ECT2L: variants seen among roughly 807,000 people sequenced by gnomAD.
ECT2L encodes the protein epithelial cell-transforming sequence 2 oncogene-like.
A neutral mutation model predicts 122.8 loss-of-function variants in ECT2L; 126 were observed. That is an observed-to-expected ratio of 1.03 (90% CI 0.89 to 1.19). The LOEUF is 1.19. Ranked by LOEUF, ECT2L falls within the 50% of genes most tolerant of loss-of-function variation. The probability of loss-of-function intolerance (pLI) is 0.00; values close to 1 mark genes in which losing one functional copy is unlikely to be tolerated. For missense variants in ECT2L, 1,012 were observed against 1,064.1 expected, an observed-to-expected ratio of 0.95 and a Z score of 0.68; for synonymous variants, 385 against 381.8, an observed-to-expected ratio of 1.01 and a Z score of -0.10.
rs79069095 is a variant in ECT2L at position 138,876,471 on chromosome 6, G to C, written c.1579-1G>C. ...TAACCAAGTTTCCATTCAATCTTCA[G>C]GAAAGAAATGTTGTAGAAGACAATT... On this transcript the variant is annotated splice_acceptor_variant, in intron 13 of 21. Coordinates refer to ENST00000541398, the MANE Select transcript of ECT2L (RefSeq NM_001077706.3). LOFTEE classifies it high-confidence loss of function. 1,874 of 1,608,184 alleles carry C rather than the reference G, an allele frequency of 1.2e-3. 20 individuals carry two copies. The African/African-American group carries it at 0.021, about 18-fold the overall frequency.
Position 138,838,405 on chromosome 6 carries a change from C to G in ECT2L, c.233C>G (p.Ser78Cys). ...ERMQVAKVDF[S>C]TVLPRFISLY... ...ATGCAAGTGGCCAAAGTGGACTTCTCTACAGTGTTACCACGCTTCATTTCT... is the reference window on the plus strand; with the variant it reads ...ATGCAAGTGGCCAAAGTGGACTTCTGTACAGTGTTACCACGCTTCATTTCT... The change falls in exon 5 of 22, where the codon TCT becomes TGT. Residue 78 changes from serine (S) to cysteine (C), a missense_variant. Transcript: ENST00000541398. 1 of 1,613,612 alleles carries G rather than the reference C, an allele frequency of 6.2e-7. No individual in the cohort carries two copies. The highest frequency in any genetic ancestry group is 1.7e-5 in the Admixed American group (1 of 59,940).
chr6:138,816,928 C>T (rs78488505), intron 4 of ECT2L, among the ~76,000 whole-genome samples: 2,884 of 152,230 alleles, frequency 0.019, 38 homozygotes, highest in Non-Finnish European at 0.028. Flanking sequence ...CACAAAGAAC[C>T]CCCCTACCCA....
chr6:138,851,013 A>AAAAAAAAAAG (rs1777427811), intron 9 of ECT2L, among the ~76,000 whole-genome samples: 1 of 148,228 alleles, frequency 6.7e-6, no homozygotes, highest in African/African-American at 2.6e-5. Context: ...AAAAAAAAAA[A>AAAAAAAAAAG]AAAAAAAAAA....
At chr6:138,811,448 T>C (rs1421418845) in intron 1 of ECT2L, among the ~76,000 whole-genome samples, 2 of 152,096 alleles carry the variant, frequency 1.3e-5, no homozygotes, top group Admixed American at 1.3e-4. Flanking sequence ...CCCCACAAAT[T>C]ATATGTTGAA....
chr6:138,834,839 T>C (rs1393432777), intron 4 of ECT2L, among the ~76,000 whole-genome samples: 2 of 151,972 alleles, frequency 1.3e-5, no homozygotes, highest in African/African-American at 4.8e-5. Flanking sequence ...GACACTTCTG[T>C]CTGTGGATAC....
At chr6:138,857,369 A>G (rs1265489186) in intron 10 of ECT2L, among the ~76,000 whole-genome samples, 2 of 152,094 alleles carry the variant, frequency 1.3e-5, no homozygotes, top group Admixed American at 1.3e-4. Flanking sequence ...GACTCAGTTA[A>G]GTCTGGGGTG....
At chr6:138,882,185 C>T (rs1275082641) in intron 15 of ECT2L, among the ~76,000 whole-genome samples, 1 of 152,160 alleles carries the variant, frequency 6.6e-6, no homozygotes, top group African/African-American at 2.4e-5. Flanking sequence ...CTGAGTATGT[C>T]CTTCCCTGAA....
At chr6:138,799,711 C>T (rs1012127888) in intron 1 of ECT2L, among the ~76,000 whole-genome samples, 7 of 152,258 alleles carry the variant, frequency 4.6e-5, no homozygotes, top group Non-Finnish European at 8.8e-5. Flanking sequence ...AGGTGAATGC[C>T]GCCACACCTG....
chr6:138,810,952 T>TA (rs1312807661), intron 1 of ECT2L, among the ~76,000 whole-genome samples: 2 of 152,188 alleles, frequency 1.3e-5, no homozygotes, highest in African/African-American at 4.8e-5. Flanking sequence ...GTGTTCTGCA[T>TA]ATGGGAAAGG....
chr6:138,811,702 C>T (rs1025628827), intron 1 of ECT2L, among the ~76,000 whole-genome samples: 2 of 152,050 alleles, frequency 1.3e-5, no homozygotes, highest in Admixed American at 1.3e-4. Flanking sequence ...GATGGACTCT[C>T]GCTGTCAGTG....
intron 4 of ECT2L, among the ~76,000 whole-genome samples, chr6:138,816,842 C>A (rs964448459): frequency 1.3e-5 from 2 of 152,164 alleles, no homozygotes; most frequent in African/African-American, 4.8e-5. Flanking sequence ...TTTACGGGTA[C>A]AATTCAGTGG....
chr6:138,854,291 A>G (rs1295950535), intron 10 of ECT2L, 137 bp downstream of exon 10: 18 of 1,065,044 alleles, frequency 1.7e-5, no homozygotes, highest in Admixed American at 5.0e-5. Flanking sequence ...TGTACTTCAC[A>G]TATCCAGGTA....
At chr6:138,894,191 G>C (rs1779134609) in intron 20 of ECT2L, among the ~76,000 whole-genome samples, 1 of 151,926 alleles carries the variant, frequency 6.6e-6, no homozygotes, top group Non-Finnish European at 1.5e-5. Flanking sequence ...CAAGTAGCTG[G>C]GATTACAGGC....
chr6:138,842,286 C>T (rs1159254880), intron 5 of ECT2L, among the ~76,000 whole-genome samples: 1 of 140,688 alleles, frequency 7.1e-6, no homozygotes, highest in Non-Finnish European at 1.6e-5. Context: ...GGGCAAAACC[C>T]CGCCTCTAGT....
intron 5 of ECT2L, among the ~76,000 whole-genome samples, 166 bp downstream of exon 5, chr6:138,838,680 A>G (rs1583575581): frequency 6.6e-6 from 1 of 152,362 alleles, no homozygotes; most frequent in Non-Finnish European, 1.5e-5. Flanking sequence ...ACAATAATGT[A>G]TTTCTATAAA....
intron 4 of ECT2L, 152 bp downstream of exon 4, chr6:138,814,755 C>T (rs573424262): frequency 5.8e-6 from 3 of 521,552 alleles, no homozygotes; most frequent in Non-Finnish European, 1.0e-5. Flanking sequence ...TTTTCCAGTG[C>T]CTGCTTTTGC....
rs557325985 is a variant in ECT2L, at chr6:138,863,001, G to A, written c.1291+282G>A. 1.4e-4 allele frequency among the ~76,000 whole-genome samples: 21 copies of A among 152,252 alleles called. No individual in the cohort carries two copies. In the East Asian group the frequency reaches 2.9e-3, roughly 21 times the overall value. Reference sequence around the variant, plus strand: ...GCAATTAAGCAAAGTTGCTGATCTAGAAAAGTAAGAAGTACAAAGAAAAAC... The same window carrying A: ...GCAATTAAGCAAAGTTGCTGATCTAAAAAAGTAAGAAGTACAAAGAAAAAC... On this transcript the variant is annotated intron_variant, in intron 11 of 21. Transcript: ENST00000541398.
intron 1 of ECT2L, among the ~76,000 whole-genome samples, chr6:138,808,871 C>A (rs577125434): frequency 1.2e-3 from 182 of 152,086 alleles, no homozygotes; most frequent in African/African-American, 3.9e-3. Context: ...GGACTACAGG[C>A]ATGCACCACC....
chr6:138,899,952 A>G (rs1349018758), intron 20 of ECT2L, among the ~76,000 whole-genome samples: 7 of 152,300 alleles, frequency 4.6e-5, no homozygotes, highest in African/African-American at 1.7e-4. Flanking sequence ...CCAACACAGC[A>G]ATCTCGCTCC....
Sources: allele counts gnomAD v4.1 joint callset (sites outside exome capture counted in the v4.1 genomes callset), GRCh38; gene constraint gnomAD v4.1.1; transcripts MANE v1.5; gene names NCBI Gene and HGNC (gene_info 2026-07-23, HGNC 2026-07-21).